Variants in SYT13 observed in about 807,000 individuals in gnomAD.
SYT13 encodes the protein synaptotagmin 13.
SYT13 carries 21 observed loss-of-function variants against 38.6 expected under a neutral mutation model. That is an observed-to-expected ratio of 0.54 (90% confidence interval 0.39 to 0.78). SYT13 has a LOEUF of 0.78. Among genes scored for constraint, SYT13 ranks in the 30% least tolerant of loss-of-function variants. The pLI is 0.00. For missense variants in SYT13, 495 were observed against 548.7 expected (o/e 0.90, Z 0.98); for synonymous variants, 241 against 237.6 (o/e 1.01, Z -0.13).
chr11:45,248,452 A>C (rs1301165107), intron 4 of SYT13, among the ~76,000 whole-genome samples: 1 of 152,222 alleles, frequency 6.6e-6, no homozygotes, highest in Non-Finnish European at 1.5e-5. Flanking sequence ...CAGATTCAGA[A>C]AGGGAACATC....
chr11:45,272,897 C>G (rs530800602), intron 1 of SYT13, among the ~76,000 whole-genome samples: 35 of 152,302 alleles, frequency 2.3e-4, no homozygotes, highest in African/African-American at 8.2e-4. Flanking sequence ...ACAATAGAAC[C>G]TTGTGCAAAT....
chr11:45,261,245 G>A (rs77506328), intron 1 of SYT13, among the ~76,000 whole-genome samples: 4,219 of 152,246 alleles, frequency 0.028, 99 homozygotes, highest in African/African-American at 0.06. Flanking sequence ...TGAAGAAATC[G>A]GAATTCTGTG....
At chr11:45,278,945 G>A (rs1480597456) in intron 1 of SYT13, among the ~76,000 whole-genome samples, 1 of 152,242 alleles carries the variant, frequency 6.6e-6, no homozygotes, top group Non-Finnish European at 1.5e-5. Context: ...TTTCTGTGGA[G>A]GGCCCTGGGC....
chr11:45,268,380 C>T (rs115677077), intron 1 of SYT13, among the ~76,000 whole-genome samples: 17 of 39,468 alleles, frequency 4.3e-4, no homozygotes, highest in African/African-American at 1.5e-3. Context: ...GTAATGAGGT[C>T]GGTTGAGTGG....
intron 1 of SYT13, among the ~76,000 whole-genome samples, chr11:45,265,293 A>G (rs1165536046): frequency 1.3e-5 from 2 of 152,270 alleles, no homozygotes; most frequent in African/African-American, 4.8e-5. Context: ...GCCAGGGACA[A>G]TTTGGCCGCT....
intron 3 of SYT13, 182 bp downstream of exon 3, chr11:45,254,088 T>C (rs535583564): frequency 1.3e-4 from 72 of 565,996 alleles, no homozygotes; most frequent in Non-Finnish European, 1.7e-4. Flanking sequence ...ATCCCCACTT[T>C]GGACTGTTGG....
rs186637270 is a variant in SYT13, at chr11:45,269,090, C to T, written c.184-13199G>A. 3.7e-3 allele frequency among the ~76,000 whole-genome samples: 559 copies of T among 152,152 alleles called. 3 individuals carry two copies. Among genetic ancestry groups the T allele is most frequent in the Non-Finnish European group, 3.2e-3 (218 of 68,006 alleles). ...GGAGAAGGAAGGGAAGAAGGGAGAG[C>T]TGCAGGAGGTTTCATAGAGACGCTG... On this transcript the variant is annotated intron_variant, in intron 1 of 5. Transcript: ENST00000020926.
chr11:45,252,517 G>A lies in SYT13; in HGVS notation c.750C>T (p.Ser250=), dbSNP rs754348148. 9.9e-6 allele frequency: 16 copies of A among 1,613,942 alleles called. No homozygotes were observed. In the African/African-American group the frequency reaches 1.9e-4, roughly 19 times the overall value. Reference sequence around the variant, plus strand: ...GGAGCTCCCCGGCCACGCTGTGACGGGAGAAGCGGTCGCAGGTCCTCAAGG... The same window carrying A: ...GGAGCTCCCCGGCCACGCTGTGACGAGAGAAGCGGTCGCAGGTCCTCAAGG... The part of the protein sequence containing the change: ...TLTLRTCDRF[S]RHSVAGELRL... The change falls in exon 4 of 6, where the codon TCC becomes TCT. Residue 250 remains serine, a synonymous_variant. Coordinates refer to ENST00000020926, the MANE Select transcript of SYT13 (RefSeq NM_020826.3). This position sits in a 1 kb window ranked among gnomAD's most constrained non-coding sequence, Gnocchi z 4.3.
chr11:45,276,573 T>C (rs1014749403), intron 1 of SYT13, among the ~76,000 whole-genome samples: 1 of 152,008 alleles, frequency 6.6e-6, no homozygotes, highest in Non-Finnish European at 1.5e-5. Flanking sequence ...CCAGAACTTA[T>C]AATAAAAATT....
chr11:45,270,629 C>T (rs1052563846), intron 1 of SYT13, among the ~76,000 whole-genome samples: 1 of 152,140 alleles, frequency 6.6e-6, no homozygotes, highest in Non-Finnish European at 1.5e-5. Flanking sequence ...CACACTTTTG[C>T]ATTTTGATAA....
Position 45,241,603 on chromosome 11 carries a change from C to T in SYT13, c.*2449G>A, listed in dbSNP as rs1294010576. On this transcript the variant is annotated 3_prime_UTR_variant, in exon 6 of 6. Coordinates refer to ENST00000020926, the MANE Select transcript of SYT13 (RefSeq NM_020826.3). The stretch of plus-strand genomic sequence containing the variant: ...GTTGATAATTCTGGGATCGGGGCCC[C>T]GCCCAGCCCACCTGAAATTCCTTTG... 6.7e-6 allele frequency: 1 copy of T among 150,324 alleles called. No homozygotes were observed. Among genetic ancestry groups the T allele is most frequent in the Non-Finnish European group, 1.5e-5 (1 of 67,722 alleles). The allele number at this position is 150,324 out of a possible 1,614,324, so 9.3% of individuals were successfully genotyped here.
Position 45,286,230 on chromosome 11 carries a change from C to G in SYT13, c.-23G>C, listed in dbSNP as rs1211366098. The G allele has an allele frequency of 6.6e-7, 1 of 1,519,010 alleles. No individual in the cohort carries two copies. The allele number at this position is 1,519,010 out of a possible 1,614,324, so 94.1% of individuals were successfully genotyped here. ...CATGGTGCCCGCTCCCGGCGAGGGGCTGGGTCCCGCAGCCGCTCACCTTCC... is the reference window on the plus strand; with the variant it reads ...CATGGTGCCCGCTCCCGGCGAGGGGGTGGGTCCCGCAGCCGCTCACCTTCC... On this transcript the variant is annotated 5_prime_UTR_variant, in exon 1 of 6. Coordinates refer to ENST00000020926, the MANE Select transcript of SYT13 (RefSeq NM_020826.3).
At chr11:45,249,907 C>T (rs897921173) in intron 4 of SYT13, among the ~76,000 whole-genome samples, 15 of 152,276 alleles carry the variant, frequency 9.9e-5, no homozygotes, top group African/African-American at 3.6e-4. Context: ...TAATAATAAT[C>T]AAAGACTGCT....
At chr11:45,250,434 T>C (rs1235399389) in intron 4 of SYT13, among the ~76,000 whole-genome samples, 4 of 152,230 alleles carry the variant, frequency 2.6e-5, no homozygotes, top group Non-Finnish European at 5.9e-5. Context: ...ATGGCTGCTC[T>C]TCTAGAGGGC....
chr11:45,257,338 C>T (rs1457066777), intron 1 of SYT13, among the ~76,000 whole-genome samples: 1 of 152,118 alleles, frequency 6.6e-6, no homozygotes, highest in African/African-American at 2.4e-5. Context: ...AAACTGCTGG[C>T]ACTCTGGGTG....
At chr11:45,281,826 A>G (rs2863182) in intron 1 of SYT13, among the ~76,000 whole-genome samples, 63,282 of 152,084 alleles carry the variant, frequency 0.42, 14,787 homozygotes, top group African/African-American at 0.64. Context: ...CAGCAAGGTA[A>G]ACACTGTGTT....
chr11:45,250,124 C>G (rs527587802), intron 4 of SYT13, among the ~76,000 whole-genome samples: 7 of 152,308 alleles, frequency 4.6e-5, no homozygotes, highest in Non-Finnish European at 1.0e-4. Flanking sequence ...GCTGCCTGGC[C>G]TGGACTTCCA....
At position 45,286,048 on chromosome 11, in the gene SYT13, T is replaced by A. The variant is rs778746369; in HGVS notation, c.160A>T (p.Ser54Cys). ...ACCTGTTGTGCAGACCCGAGCAAGC[T>A]GGGCTTCGCCTTCTCCAGGTCGGGG... is the stretch of plus-strand genomic sequence containing the variant. ...QDPDLEKAKP[S>C]LLGSAQQFNV... Residue 54 changes from serine to cysteine, a missense_variant, in exon 1 of 6, where the codon AGC becomes TGC. Ser to Cys is a moderately radical substitution (Grantham distance 112, BLOSUM62 -1). Transcript: ENST00000020926. The A allele has an allele frequency of 6.2e-7, 1 of 1,609,326 alleles. No homozygotes were observed. The highest frequency in any genetic ancestry group is 1.7e-5 in the Admixed American group (1 of 59,876).
intron 5 of SYT13, 138 bp downstream of exon 5, chr11:45,246,245 G>A (rs964039653): frequency 2.5e-5 from 31 of 1,253,508 alleles, no homozygotes; most frequent in Middle Eastern, 2.8e-4. Flanking sequence ...GAAGAACACC[G>A]CTGAGCATGG....
Sources: allele counts gnomAD v4.1 joint callset (sites outside exome capture counted in the v4.1 genomes callset), GRCh38; gene constraint gnomAD v4.1.1; non-coding constraint Gnocchi (gnomAD v3.1); transcripts MANE v1.5; gene names NCBI Gene and HGNC (gene_info 2026-07-23, HGNC 2026-07-21).